Variants in PLEKHH2 observed in about 807,000 individuals in gnomAD.
PLEKHH2 encodes pleckstrin homology, MyTH4 and FERM domain containing H2, also known as pleckstrin homology domain-containing family H member 2.
In PLEKHH2, 129 loss-of-function variants were observed where a neutral mutation model predicts 187.9. The observed-to-expected ratio is 0.69, with a 90% CI of 0.59 to 0.79. PLEKHH2 has a LOEUF of 0.79. Ranked by LOEUF, PLEKHH2 falls within the 30% of genes least tolerant of loss-of-function variation. PLEKHH2 has a pLI of 0.00. For missense variants in PLEKHH2, 2,076 were observed against 1,751.2 expected (o/e 1.19, Z -3.31); for synonymous variants, 686 against 605.6 (o/e 1.13, Z -1.95).
chr2:43,681,587 A>G lies in PLEKHH2; in HGVS notation c.186+2662A>G, dbSNP rs990234140. 10 of 859,084 alleles carry G rather than the reference A, an allele frequency of 1.2e-5. No individual in the cohort carries two copies. The East Asian group carries it at 2.1e-4, about 18-fold the overall frequency. 53.2% of individuals were successfully genotyped at this position (859,084 alleles called of 1,614,324 possible). A position where few individuals can be genotyped will look rare whatever the true frequency, so the allele number is the denominator to read the frequency against. ...GCCCGCACCTTCGGCACTCATGACT[A>G]GTGCCTCTTTTTGGAGCTGTACACG... is the stretch of plus-strand genomic sequence containing the variant. On this transcript the variant is annotated intron_variant, in intron 3 of 29. Coordinates refer to ENST00000282406, the MANE Select transcript of PLEKHH2 (RefSeq NM_172069.4).
intron 2 of PLEKHH2, among the ~76,000 whole-genome samples, chr2:43,674,090 TA>T (rs1231377343): frequency 6.6e-6 from 1 of 152,192 alleles, no homozygotes; most frequent in Non-Finnish European, 1.5e-5. Flanking sequence ...TAATTTGTAA[TA>T]TATTAAATAT....
chr2:43,764,041 G>A (rs755112677), intron 28 of PLEKHH2, among the ~76,000 whole-genome samples, 187 bp from the exon 29 acceptor site: 82 of 152,134 alleles, frequency 5.4e-4, no homozygotes, highest in Non-Finnish European at 1.0e-3. Flanking sequence ...GGTAGATGAT[G>A]CCTAAATAAA....
chr2:43,657,532 C>A (rs1018224171), intron 2 of PLEKHH2, among the ~76,000 whole-genome samples: 9 of 152,174 alleles, frequency 5.9e-5, no homozygotes, highest in Non-Finnish European at 1.3e-4. Context: ...ATTCTAACAA[C>A]CAAAGCCCAT....
chr2:43,646,669 T>G (rs562592417), intron 2 of PLEKHH2, among the ~76,000 whole-genome samples: 43 of 152,326 alleles, frequency 2.8e-4, no homozygotes, highest in African/African-American at 1.0e-3. Context: ...TTATCTCCAG[T>G]AATTTCTCTA....
At chr2:43,697,145 C>G (rs757503892) in intron 6 of PLEKHH2, 26 bp from the exon 7 acceptor site, 6 of 1,520,162 alleles carry the variant, frequency 3.9e-6, no homozygotes, top group Admixed American at 4.3e-5. Context: ...AAATTCAAAT[C>G]TTAATTTTGA....
chr2:43,728,994 T>A lies in PLEKHH2; in HGVS notation c.2722-643T>A, dbSNP rs114427588. Among the ~76,000 whole-genome samples, 981 of 152,318 alleles carry A rather than the reference T, an allele frequency of 6.4e-3. 17 individuals are homozygous for A. Among genetic ancestry groups the A allele is most frequent in the African/African-American group, 0.022 (917 of 41,566 alleles). On this transcript the variant is annotated intron_variant, in intron 17 of 29. Transcript: ENST00000282406. ...AGTGAGAAGTTAGTAACCATCATAA[T>A]GTTCAGCAATAAGAAATTGATTAAA... is the stretch of plus-strand genomic sequence containing the variant.
intron 7 of PLEKHH2, among the ~76,000 whole-genome samples, chr2:43,698,108 C>T (rs901709235): frequency 6.6e-6 from 1 of 152,164 alleles, no homozygotes; most frequent in Non-Finnish European, 1.5e-5. Context: ...AACTTCCTTC[C>T]CCCAGAAGAG....
chr2:43,707,747 T>C (rs1669733057), intron 11 of PLEKHH2, among the ~76,000 whole-genome samples: 1 of 114,652 alleles, frequency 8.7e-6, no homozygotes, highest in Non-Finnish European at 1.7e-5. Context: ...ATTATATAGT[T>C]TTTTTTTTTC....
chr2:43,715,515 C>G (rs961690603), intron 15 of PLEKHH2, among the ~76,000 whole-genome samples: 2 of 151,960 alleles, frequency 1.3e-5, no homozygotes, highest in Non-Finnish European at 2.9e-5. Flanking sequence ...CAGTGGGAGG[C>G]AAGGTGGAGG....
At chr2:43,668,140 C>G (rs551764752) in intron 2 of PLEKHH2, among the ~76,000 whole-genome samples, 5 of 152,080 alleles carry the variant, frequency 3.3e-5, no homozygotes, top group Admixed American at 1.3e-4. Context: ...TCAAGTGATT[C>G]TCCTGCCTCA....
At chr2:43,754,400 G>A (rs1672131865) in intron 25 of PLEKHH2, among the ~76,000 whole-genome samples, 1 of 151,414 alleles carries the variant, frequency 6.6e-6, no homozygotes, top group South Asian at 2.1e-4. Flanking sequence ...CCGGGCTTCA[G>A]GGTGGGGGAA....
chr2:43,681,216 C>A, intron 3 of PLEKHH2: 1 of 661,520 alleles, frequency 1.5e-6, no homozygotes, highest in East Asian at 2.6e-5. Flanking sequence ...GCTGTTTCTC[C>A]ATGTATTATT....
intron 2 of PLEKHH2, among the ~76,000 whole-genome samples, chr2:43,678,386 C>G (rs61466844): frequency 0.47 from 69,777 of 148,982 alleles, 16,387 homozygotes; most frequent in Non-Finnish European, 0.52. Context: ...TGTAGCGAGC[C>G]GAGATCACGC....
At chr2:43,658,053 T>G (rs1666880030) in intron 2 of PLEKHH2, among the ~76,000 whole-genome samples, 1 of 152,254 alleles carries the variant, frequency 6.6e-6, no homozygotes, top group Non-Finnish European at 1.5e-5. Context: ...AACTACCCAT[T>G]GAATATTTCT....
chr2:43,693,690 C>G (rs915801132), intron 4 of PLEKHH2, among the ~76,000 whole-genome samples: 5 of 128,560 alleles, frequency 3.9e-5, no homozygotes, highest in African/African-American at 9.6e-5. Flanking sequence ...CACCACTGCA[C>G]TCCAGCCTGG....
intron 16 of PLEKHH2, among the ~76,000 whole-genome samples, chr2:43,723,333 C>G (rs985988434): frequency 2.0e-5 from 3 of 152,224 alleles, no homozygotes; most frequent in African/African-American, 7.2e-5. Flanking sequence ...TTTTACATCA[C>G]AGAGGAGCCT....
At chr2:43,674,862 G>A (rs1399266698) in intron 2 of PLEKHH2, among the ~76,000 whole-genome samples, 1 of 152,098 alleles carries the variant, frequency 6.6e-6, no homozygotes, top group Non-Finnish European at 1.5e-5. Flanking sequence ...GTGTGTACCT[G>A]TAGTCCCAGC....
intron 4 of PLEKHH2, among the ~76,000 whole-genome samples, chr2:43,693,672 C>G (rs927983891): frequency 5.0e-5 from 7 of 140,482 alleles, no homozygotes; most frequent in African/African-American, 1.3e-4. Flanking sequence ...TGCAGTGAGC[C>G]GAGATTGCAC....
chr2:43,710,687 T>C (rs773107758), intron 14 of PLEKHH2, 112 bp downstream of exon 14: 4 of 1,478,636 alleles, frequency 2.7e-6, no homozygotes, highest in Non-Finnish European at 2.7e-6. Flanking sequence ...TTTATTCACT[T>C]TGGGGGGTTA....
Sources: allele counts gnomAD v4.1 joint callset (sites outside exome capture counted in the v4.1 genomes callset), GRCh38; gene constraint gnomAD v4.1.1; transcripts MANE v1.5; gene names NCBI Gene and HGNC (gene_info 2026-07-23, HGNC 2026-07-21).